Variants in MGAT4C observed in about 807,000 individuals in gnomAD.
MGAT4C encodes the protein MGAT4 family member C, also known as alpha-1,3-mannosyl-glycoprotein 4-beta-N-acetylglucosaminyltransferase C.
A neutral mutation model predicts 40.1 loss-of-function variants in MGAT4C; 19 were observed. The observed-to-expected ratio is 0.47, with a 90% confidence interval of 0.33 to 0.70. The LOEUF is 0.70. MGAT4C is among the 30% of genes least tolerant of loss of function. The pLI is 0.02. For missense variants in MGAT4C, 491 were observed against 563.2 expected (o/e 0.87, Z 1.30); for synonymous variants, 181 against 187.1 (o/e 0.97, Z 0.27).
At chr12:86,603,692 C>A (rs1961917288) in intron 2 of MGAT4C, among the ~76,000 whole-genome samples, 1 of 124,856 alleles carries the variant, frequency 8.0e-6, no homozygotes, top group African/African-American at 3.1e-5. Context: ...TATATATAGA[C>A]TATATATTAT....
chr12:86,721,166 C>A (rs1950729887), intron 2 of MGAT4C, among the ~76,000 whole-genome samples: 4 of 152,024 alleles, frequency 2.6e-5, no homozygotes, highest in Admixed American at 2.0e-4. Flanking sequence ...ATCAGTTTTG[C>A]CCCAGTGATG....
At chr12:86,000,149 A>G (rs556557186) in intron 2 of MGAT4C, among the ~76,000 whole-genome samples, 1 of 152,320 alleles carries the variant, frequency 6.6e-6, no homozygotes, top group South Asian at 2.1e-4. Context: ...TTATAAATAC[A>G]AATAATTTTA....
chr12:86,446,647 A>T (rs1957339686), intron 2 of MGAT4C, among the ~76,000 whole-genome samples: 1 of 132,854 alleles, frequency 7.5e-6, no homozygotes. Flanking sequence ...TTAAAATTAC[A>T]TCATGTAACT....
chr12:86,207,495 G>T (rs1028825726), intron 1 of MGAT4C, among the ~76,000 whole-genome samples: 5 of 151,862 alleles, frequency 3.3e-5, no homozygotes, highest in Admixed American at 3.3e-4. Context: ...CTGTGTCCAT[G>T]TGTTCTACAC....
At chr12:86,203,832 C>A (rs1003737029) in intron 1 of MGAT4C, among the ~76,000 whole-genome samples, 1 of 151,680 alleles carries the variant, frequency 6.6e-6, no homozygotes, top group African/African-American at 2.4e-5. Flanking sequence ...TGGTGCAGGC[C>A]TGTAATCCCA....
At chr12:86,367,756 C>T (rs575283705) in intron 3 of MGAT4C, among the ~76,000 whole-genome samples, 2 of 152,196 alleles carry the variant, frequency 1.3e-5, no homozygotes, top group East Asian at 1.9e-4. Flanking sequence ...GCCAAGATTG[C>T]GCCACTGCAC....
intron 1 of MGAT4C, among the ~76,000 whole-genome samples, chr12:86,749,928 T>C (rs984977445): frequency 1.3e-5 from 2 of 151,756 alleles, no homozygotes; most frequent in Non-Finnish European, 2.9e-5. Flanking sequence ...TCAGTTTGAT[T>C]ATAGGAGCAA....
At chr12:86,201,227 C>T (rs1341639868) in intron 1 of MGAT4C, among the ~76,000 whole-genome samples, 1 of 151,986 alleles carries the variant, frequency 6.6e-6, no homozygotes, top group Non-Finnish European at 1.5e-5. Flanking sequence ...ATGCATGACC[C>T]ATGCGAAAAT....
intron 4 of MGAT4C, among the ~76,000 whole-genome samples, chr12:86,318,508 A>G (rs1954300029): frequency 6.6e-6 from 1 of 152,176 alleles, no homozygotes; most frequent in Admixed American, 6.5e-5. Flanking sequence ...CTTCATACTG[A>G]GCCCAATTCT....
In MGAT4C at chr12:86,044,203, C is replaced by G. The variant is rs148394862; in HGVS notation, c.-7+5471G>C. Among the ~76,000 whole-genome samples the G allele has an allele frequency of 1.3e-3, 203 of 152,234 alleles. 2 individuals are homozygous for G. The highest frequency in any genetic ancestry group is 3.4e-3 in the Middle Eastern group (1 of 292). Reference sequence around the variant, plus strand: ...ACTTTGAGGGAATGATCCCAGGCTCCCAGCTTTGTTCTCAGGACCCTCAAG... The same window carrying G: ...ACTTTGAGGGAATGATCCCAGGCTCGCAGCTTTGTTCTCAGGACCCTCAAG... On this transcript the variant is annotated intron_variant, in intron 2 of 4. Coordinates refer to ENST00000611864, the MANE Select transcript of MGAT4C (RefSeq NM_001351288.2).
intron 2 of MGAT4C, among the ~76,000 whole-genome samples, chr12:86,441,366 A>G (rs920598847): frequency 6.6e-6 from 1 of 150,778 alleles, no homozygotes; most frequent in Non-Finnish European, 1.5e-5. Context: ...TTATTATTAT[A>G]CTTTAAGTTC....
Position 86,730,741 on chromosome 12 carries a change from C to T in MGAT4C, c.-261-3500G>A, listed in dbSNP as rs138403222. On this transcript the variant is annotated intron_variant, in intron 1 of 7. Coordinates refer to the MGAT4C transcript ENST00000548651. ...AGTAGAAATTAGGTTCTGCACATGACGTGGGTTAAAGAGGATATCTAAGTA... is the reference window on the plus strand; with the variant it reads ...AGTAGAAATTAGGTTCTGCACATGATGTGGGTTAAAGAGGATATCTAAGTA... Among the ~76,000 whole-genome samples the T allele has an allele frequency of 9.5e-3, 1,448 of 152,030 alleles. 9 individuals carry two copies. The highest frequency in any genetic ancestry group is 0.017 in the Middle Eastern group (5 of 294).
At chr12:86,079,117 A>G (rs928948786) in intron 1 of MGAT4C, among the ~76,000 whole-genome samples, 5 of 152,210 alleles carry the variant, frequency 3.3e-5, no homozygotes, top group African/African-American at 1.2e-4. Flanking sequence ...TTGAGAAAAG[A>G]AAATTAATGT....
chr12:86,207,611 A>C (rs554175176), intron 1 of MGAT4C, among the ~76,000 whole-genome samples: 2 of 152,356 alleles, frequency 1.3e-5, no homozygotes, highest in African/African-American at 4.8e-5. Context: ...GAATAAAAAA[A>C]AGATTTGCTG....
intron 1 of MGAT4C, among the ~76,000 whole-genome samples, chr12:86,236,359 G>A (rs1951543730): frequency 1.3e-5 from 2 of 151,906 alleles, no homozygotes; most frequent in Admixed American, 6.6e-5. Context: ...AAAAGATATT[G>A]CATTTCTGTG....
intron 4 of MGAT4C, among the ~76,000 whole-genome samples, chr12:86,301,173 A>G (rs1953801296): frequency 6.6e-6 from 1 of 152,190 alleles, no homozygotes; most frequent in Non-Finnish European, 1.5e-5. Flanking sequence ...TGACATATAG[A>G]CCATCTCAAA....
intron 4 of MGAT4C, among the ~76,000 whole-genome samples, chr12:86,289,114 C>T (rs1953434627): frequency 1.3e-5 from 2 of 152,106 alleles, no homozygotes; most frequent in South Asian, 4.1e-4. Context: ...CAGTTTCAAT[C>T]TTCTGCCTAG....
intron 1 of MGAT4C, among the ~76,000 whole-genome samples, chr12:86,139,626 C>A (rs1882542178): frequency 6.6e-6 from 1 of 151,576 alleles, no homozygotes; most frequent in Non-Finnish European, 1.5e-5. Context: ...TAATAACTAA[C>A]ATGAATCATT....
At chr12:86,753,077 GA>G (rs1453276788) in intron 1 of MGAT4C, among the ~76,000 whole-genome samples, 1 of 152,054 alleles carries the variant, frequency 6.6e-6, no homozygotes, top group East Asian at 1.9e-4. Flanking sequence ...TAAAATTCGT[GA>G]CCTATAAAAA....
Sources: allele counts gnomAD v4.1 joint callset (sites outside exome capture counted in the v4.1 genomes callset), GRCh38; gene constraint gnomAD v4.1.1; transcripts MANE v1.5; gene names NCBI Gene and HGNC (gene_info 2026-07-23, HGNC 2026-07-21).